Variants in CRACD observed in about 807,000 individuals in gnomAD.
CRACD encodes the protein capping protein inhibiting regulator of actin dynamics, also known as capping protein-inhibiting regulator of actin dynamics.
CRACD carries 56 observed loss-of-function variants against 106.8 expected under a neutral mutation model. The ratio of observed to expected loss-of-function variants is 0.52; its 90% CI spans 0.42 to 0.66. The LOEUF (loss-of-function observed/expected upper bound fraction) is 0.66, where lower values mean the gene tolerates loss of function less well. CRACD is among the 30% of genes least tolerant of loss of function. CRACD has a pLI of 0.00. For missense variants in CRACD, 1,730 were observed against 1,623.2 expected (o/e 1.07, Z -1.13); for synonymous variants, 754 against 670.8 (o/e 1.12, Z -1.92).
intron 1 of CRACD, among the ~76,000 whole-genome samples, chr4:56,144,587 CT>C (rs1394787125): frequency 6.6e-6 from 1 of 151,358 alleles, no homozygotes. Flanking sequence ...TTTTCTACCT[CT>C]TTCTGAAAAC....
intron 2 of CRACD, among the ~76,000 whole-genome samples, chr4:56,222,932 G>A (rs767249031): frequency 6.6e-5 from 10 of 151,492 alleles, no homozygotes; most frequent in Non-Finnish European, 1.3e-4. Context: ...CCGAAATCAC[G>A]CCATTGCACT....
At chr4:56,070,463 C>T (rs924450198) in intron 1 of CRACD, among the ~76,000 whole-genome samples, 5 of 152,158 alleles carry the variant, frequency 3.3e-5, no homozygotes, top group Non-Finnish European at 7.3e-5. Context: ...TCGCATCCGG[C>T]TAATTTTTTG....
intron 2 of CRACD, among the ~76,000 whole-genome samples, chr4:56,237,099 T>C (rs1463835594): frequency 6.6e-6 from 1 of 152,158 alleles, no homozygotes; most frequent in Non-Finnish European, 1.5e-5. Context: ...CTTTATTTAT[T>C]TTAACATTGC....
At chr4:56,176,059 G>A (rs996613483) in intron 1 of CRACD, among the ~76,000 whole-genome samples, 1 of 152,044 alleles carries the variant, frequency 6.6e-6, no homozygotes, top group South Asian at 2.1e-4. Flanking sequence ...GTGTGTTCTT[G>A]GTGCCTTTGT....
At chr4:56,170,496 G>A (rs1736321372) in intron 1 of CRACD, among the ~76,000 whole-genome samples, 3 of 152,126 alleles carry the variant, frequency 2.0e-5, no homozygotes, top group Admixed American at 2.0e-4. Context: ...TCTTGGCTAG[G>A]TAAAGAGGGG....
intron 1 of CRACD, among the ~76,000 whole-genome samples, chr4:56,168,145 A>G (rs1369202231): frequency 6.6e-6 from 1 of 152,198 alleles, no homozygotes; most frequent in Non-Finnish European, 1.5e-5. Context: ...CATGTTGCCA[A>G]TCTTGGGAGG....
chr4:56,129,572 G>A (rs948728049), intron 1 of CRACD, among the ~76,000 whole-genome samples: 4 of 152,186 alleles, frequency 2.6e-5, no homozygotes, highest in African/African-American at 9.7e-5. Context: ...CCGTGGGGCT[G>A]CTGCCACCAG....
At chr4:56,320,554 C>T (rs188639339) in intron 8 of CRACD, among the ~76,000 whole-genome samples, 21 of 152,314 alleles carry the variant, frequency 1.4e-4, no homozygotes, top group Admixed American at 5.2e-4. Flanking sequence ...TCGTCTCCTT[C>T]GGTGCTCACA....
intron 1 of CRACD, among the ~76,000 whole-genome samples, chr4:56,054,253 T>C (rs1731975958): frequency 6.6e-6 from 1 of 152,166 alleles, no homozygotes; most frequent in Admixed American, 6.5e-5. Flanking sequence ...TAACCATGGC[T>C]CACTGCAGCC....
At chr4:56,287,945 T>A (rs905951438) in intron 3 of CRACD, among the ~76,000 whole-genome samples, 1 of 152,226 alleles carries the variant, frequency 6.6e-6, no homozygotes, top group Non-Finnish European at 1.5e-5. Flanking sequence ...GCTAAACGCA[T>A]CTTCCCTTAG....
chr4:56,158,713 C>CAT (rs1485996054), intron 1 of CRACD, among the ~76,000 whole-genome samples: 4 of 152,220 alleles, frequency 2.6e-5, no homozygotes, highest in African/African-American at 9.6e-5. Flanking sequence ...CAAACGACCA[C>CAT]ATCTGTCAGG....
At chr4:56,193,133 T>C (rs1262249790) in intron 2 of CRACD, among the ~76,000 whole-genome samples, 5 of 152,220 alleles carry the variant, frequency 3.3e-5, no homozygotes, top group Non-Finnish European at 4.4e-5. Context: ...AGGGATGTTT[T>C]ACATGGCGGC....
chr4:56,132,901 A>G (rs957219579), intron 1 of CRACD, among the ~76,000 whole-genome samples: 6 of 152,258 alleles, frequency 3.9e-5, no homozygotes, highest in African/African-American at 1.2e-4. Flanking sequence ...AAAATATATC[A>G]TATAGTGCTA....
At chr4:56,248,293 G>C (rs899034930) in intron 2 of CRACD, among the ~76,000 whole-genome samples, 1 of 152,084 alleles carries the variant, frequency 6.6e-6, no homozygotes, top group Non-Finnish European at 1.5e-5. Context: ...GGAAAAATGC[G>C]CATTTGAGGG....
chr4:56,132,143 A>G (rs1488702826), intron 1 of CRACD, among the ~76,000 whole-genome samples: 2 of 152,082 alleles, frequency 1.3e-5, no homozygotes, highest in African/African-American at 2.4e-5. Context: ...TTCCAGGCTC[A>G]AGCAGTCCTC....
At chr4:56,083,549 G>C (rs1445217599) in intron 1 of CRACD, among the ~76,000 whole-genome samples, 1 of 151,652 alleles carries the variant, frequency 6.6e-6, no homozygotes, top group African/African-American at 2.4e-5. Context: ...TAAATTTCTT[G>C]ATGTCATAAA....
chr4:56,135,963 A>G (rs1332445658), intron 1 of CRACD, among the ~76,000 whole-genome samples: 2 of 152,150 alleles, frequency 1.3e-5, no homozygotes, highest in African/African-American at 2.4e-5. Context: ...ACATGCTGTC[A>G]CTATAAATTA....
At chr4:56,229,099 G>C (rs961216357) in intron 2 of CRACD, among the ~76,000 whole-genome samples, 4 of 152,152 alleles carry the variant, frequency 2.6e-5, no homozygotes, top group African/African-American at 9.7e-5. Context: ...ATGCTTGCAG[G>C]CATAAACAAA....
At chr4:56,327,565 T>C (rs1746531223) in intron 10 of CRACD, 79 bp from the exon 11 acceptor site, 1 of 1,257,434 alleles carries the variant, frequency 8.0e-7, no homozygotes, top group South Asian at 1.3e-5. Flanking sequence ...ATACATAGTT[T>C]ATCATCTGTT....
Sources: gnomAD v4.1 joint callset for allele counts (sites outside exome capture counted in the v4.1 genomes callset) on GRCh38, gnomAD v4.1.1 for gene constraint, MANE v1.5 for transcripts, NCBI Gene and HGNC (gene_info 2026-07-23, HGNC 2026-07-21) for gene names.